PRRC2B: variants seen among roughly 807,000 people sequenced by gnomAD.
The protein encoded by PRRC2B is proline rich coiled-coil 2B, also known as protein PRRC2B.
In PRRC2B, 68 loss-of-function variants were observed where a neutral mutation model predicts 242.3. The observed-to-expected ratio is 0.28, with a 90% CI of 0.23 to 0.34. The LOEUF is 0.34. PRRC2B is among the 10% of genes least tolerant of loss of function. PRRC2B has a pLI of 1.00. For synonymous variants in PRRC2B, 1,228 were observed against 1,173.6 expected, an observed-to-expected ratio of 1.05 and a Z score of -0.95; for missense variants, 2,835 against 2,954.8, an observed-to-expected ratio of 0.96 and a Z score of 0.94.
chr9:131,433,129 A>G (rs1838235253), intron 3 of PRRC2B, among the ~76,000 whole-genome samples: 1 of 152,186 alleles, frequency 6.6e-6, no homozygotes, highest in Non-Finnish European at 1.5e-5. Context: ...ACTCAGAGCC[A>G]ATTCCTGTAA....
intron 1 of PRRC2B, among the ~76,000 whole-genome samples, chr9:131,399,276 C>CAAAAA (rs72492020): frequency 2.3e-5 from 1 of 44,216 alleles, no homozygotes; most frequent in Non-Finnish European, 4.4e-5. Context: ...AATTCTGTCT[C>CAAAAA]AAAAAAAAAA....
chr9:131,415,433 G>A (rs961284742), intron 1 of PRRC2B, among the ~76,000 whole-genome samples: 23 of 152,184 alleles, frequency 1.5e-4, no homozygotes, highest in Non-Finnish European at 2.9e-5. Flanking sequence ...GCTCCCCTGG[G>A]GCTGGGGCTG....
chr9:131,459,127 A>G, intron 10 of PRRC2B, 37 bp from the exon 11 acceptor site: 1 of 1,593,260 alleles, frequency 6.3e-7, no homozygotes, highest in Non-Finnish European at 8.6e-7. Flanking sequence ...GCTTGGCCTG[A>G]GTGCAAAAAC....
At position 131,467,711 on chromosome 9, in the gene PRRC2B, C is replaced by T. The variant is rs1238973230; in HGVS notation, c.1869C>T (p.Ser623=). 6.2e-7 allele frequency: 1 copy of T among 1,613,912 alleles called. No homozygotes were observed. The highest frequency in any genetic ancestry group is 1.7e-5 in the Admixed American group (1 of 60,008). ...SPAQEFKYQK[S]LPPRFQRQQQ... ...CACAGGAGTTCAAGTATCAGAAGTC[C>T]CTTCCTCCCCGATTCCAGCGCCAGC... The change falls in exon 13 of 32, where the codon TCC becomes TCT. Residue 623 remains serine, a synonymous_variant. Coordinates refer to ENST00000683519, the MANE Select transcript of PRRC2B (RefSeq NM_013318.4).
upstream of PRRC2B, among the ~76,000 whole-genome samples, chr9:131,393,335 T>C (rs910719654): frequency 2.0e-5 from 3 of 152,118 alleles, no homozygotes; most frequent in Non-Finnish European, 2.9e-5. Flanking sequence ...TTGAAATTGC[T>C]TTTATAGTTG....
intron 1 of PRRC2B, among the ~76,000 whole-genome samples, chr9:131,377,546 C>T: frequency 6.6e-6 from 1 of 151,634 alleles, no homozygotes; most frequent in South Asian, 2.1e-4. Context: ...TAAATGTGTG[C>T]ATGCCTCTCC....
chr9:131,416,086 T>A (rs1358524082), intron 1 of PRRC2B, among the ~76,000 whole-genome samples: 1 of 151,900 alleles, frequency 6.6e-6, no homozygotes, highest in African/African-American at 2.4e-5. Flanking sequence ...GGCTTGCTCT[T>A]CCACCTCTTC....
At position 131,448,543 on chromosome 9, in the gene PRRC2B, CAAAAAAAAAAAAA is replaced by C. The variant is rs754661321; in HGVS notation, c.1120+754_1120+766del. Among the ~76,000 whole-genome samples, 89 of 39,894 alleles carry C rather than the reference CAAAAAAAAAAAAA, an allele frequency of 2.2e-3. 7 individuals carry two copies. In the East Asian group the frequency reaches 0.035, roughly 16 times the overall value. The allele number at this position is 39,894 out of a possible 152,430, so 26.2% of individuals were successfully genotyped here. On this transcript the variant is annotated intron_variant, in intron 9 of 31. Coordinates refer to ENST00000683519, the MANE Select transcript of PRRC2B (RefSeq NM_013318.4). The stretch of plus-strand genomic sequence containing the variant: ...TGGGCGACAGAGGGAGACACTGTCT[CAAAAAAAAAAAAA>C]AAAAAAAAAAAAAAGGAAAGAGAAA...
chr9:131,415,683 A>G (rs1196085692), intron 1 of PRRC2B, among the ~76,000 whole-genome samples: 3 of 152,196 alleles, frequency 2.0e-5, no homozygotes, highest in African/African-American at 7.2e-5. Flanking sequence ...GATACTGGTA[A>G]GAAGTCTCCA....
At chr9:131,448,122 A>G (rs528034001) in intron 9 of PRRC2B, 30 of 233,624 alleles carry the variant, frequency 1.3e-4, no homozygotes, top group Non-Finnish European at 1.7e-4. Flanking sequence ...CTCAGGTTCA[A>G]TAAGTACCAA....
At chr9:131,419,147 A>G (rs1366488180) in intron 1 of PRRC2B, among the ~76,000 whole-genome samples, 1 of 152,218 alleles carries the variant, frequency 6.6e-6, no homozygotes, top group Non-Finnish European at 1.5e-5. Flanking sequence ...ACTGCAGTAA[A>G]TAGCTACGTT....
At chr9:131,491,835 A>G (rs1403569579) in intron 29 of PRRC2B, among the ~76,000 whole-genome samples, 1 of 152,172 alleles carries the variant, frequency 6.6e-6, no homozygotes, top group Non-Finnish European at 1.5e-5. Context: ...GCCATGTTTC[A>G]TTGGCTCTCC....
chr9:131,484,900 C>T (rs1324082569), intron 24 of PRRC2B, 48 bp from the exon 25 acceptor site: 1 of 1,583,620 alleles, frequency 6.3e-7, no homozygotes, highest in Non-Finnish European at 8.6e-7. Context: ...CTGTCCACTG[C>T]CAGCGTGATA....
intron 1 of PRRC2B, among the ~76,000 whole-genome samples, chr9:131,373,923 G>GT (rs1324615864): frequency 6.6e-6 from 1 of 152,194 alleles, no homozygotes; most frequent in East Asian, 1.9e-4. Flanking sequence ...GCAGGGCGCG[G>GT]TGGCGGGCGC....
intron 13 of PRRC2B, among the ~76,000 whole-genome samples, chr9:131,470,075 G>A (rs968519180): frequency 1.3e-5 from 2 of 152,116 alleles, no homozygotes; most frequent in Non-Finnish European, 2.9e-5. Flanking sequence ...GGGAAGAGGC[G>A]CTTACCTAGG....
rs74422725 is a variant in PRRC2B at position 131,461,352 on chromosome 9, C to T, written c.1404+1996C>T. Among the ~76,000 whole-genome samples the T allele has an allele frequency of 2.9e-3, 436 of 152,262 alleles. 1 individual carries two copies. The highest frequency in any genetic ancestry group is 0.014 in the Middle Eastern group (4 of 294). ...CACCTCTACCTGCATGCCCTCCTCC[C>T]CTTGCCTGGGCTCTAACCATTTGGA... On this transcript the variant is annotated intron_variant, in intron 11 of 31. Coordinates refer to ENST00000683519, the MANE Select transcript of PRRC2B (RefSeq NM_013318.4).
intron 1 of PRRC2B, among the ~76,000 whole-genome samples, chr9:131,406,577 A>G (rs1340251710): frequency 2.6e-5 from 4 of 152,146 alleles, no homozygotes; most frequent in South Asian, 4.1e-4. Flanking sequence ...TCTTGAACAA[A>G]TCATGTCTTT....
intron 1 of PRRC2B, among the ~76,000 whole-genome samples, chr9:131,429,219 T>A (rs1449161936): frequency 6.6e-6 from 1 of 152,250 alleles, no homozygotes; most frequent in Non-Finnish European, 1.5e-5. Flanking sequence ...AGTGCTGGGA[T>A]TACAGGCGTG....
rs1276787173 is a variant in PRRC2B at position 131,476,550 on chromosome 9, C to T, written c.4406+15C>T. 2.2e-5 allele frequency: 34 copies of T among 1,556,738 alleles called. No individual in the cohort carries two copies. The highest frequency in any genetic ancestry group is 3.0e-5 in the Non-Finnish European group (34 of 1,152,242). ...AAAGTGAAAAGGTAAAACCAGACAC[C>T]ATCTGGGCCCTTTTTGTTGTTGTGT... On this transcript the variant is annotated intron_variant, in intron 16 of 31. Transcript: ENST00000683519.
Sources: allele counts gnomAD v4.1 joint callset (sites outside exome capture counted in the v4.1 genomes callset), GRCh38; gene constraint gnomAD v4.1.1; transcripts MANE v1.5; gene names NCBI Gene and HGNC (gene_info 2026-07-23, HGNC 2026-07-21).